LMBRD1: variants seen among roughly 807,000 people sequenced by gnomAD.
The protein encoded by LMBRD1 is lysosomal cobalamin transport escort protein LMBD1.
A neutral mutation model predicts 74.8 loss-of-function variants in LMBRD1; 64 were observed. That is an observed-to-expected ratio of 0.86 (90% CI 0.70 to 1.05). The LOEUF (loss-of-function observed/expected upper bound fraction) is 1.05, where lower values mean the gene tolerates loss of function less well. Among genes scored for constraint, LMBRD1 ranks in the 50% least tolerant of loss-of-function variants. The pLI, the probability that LMBRD1 is intolerant of heterozygous loss-of-function variation, is 0.00. For synonymous variants in LMBRD1, 204 were observed against 216.3 expected (o/e 0.94, Z 0.50); for missense variants, 652 against 645.9 (o/e 1.01, Z -0.10).
intron 14 of LMBRD1, among the ~76,000 whole-genome samples, chr6:69,685,335 C>T (rs957480611): frequency 2.6e-5 from 4 of 152,102 alleles, no homozygotes; most frequent in East Asian, 1.9e-4. Context: ...GACTTGTAAG[C>T]GTTAAATAGT....
At chr6:69,793,328 T>C (rs764418949) in intron 1 of LMBRD1, among the ~76,000 whole-genome samples, 1 of 152,180 alleles carries the variant, frequency 6.6e-6, no homozygotes, top group Non-Finnish European at 1.5e-5. Flanking sequence ...TGAGAAGAGA[T>C]GAATCTTCAT....
chr6:69,722,634 G>GTTA (rs1431530837), intron 7 of LMBRD1, among the ~76,000 whole-genome samples: 1 of 151,942 alleles, frequency 6.6e-6, no homozygotes, highest in Non-Finnish European at 1.5e-5. Flanking sequence ...AAAATAATGG[G>GTTA]TTATAAAATA....
intron 7 of LMBRD1, among the ~76,000 whole-genome samples, chr6:69,724,009 T>C (rs866696644): frequency 3.0e-4 from 46 of 152,124 alleles, no homozygotes; most frequent in African/African-American, 1.1e-3. Flanking sequence ...GGATCATTAG[T>C]GGCTACTATG....
intron 7 of LMBRD1, among the ~76,000 whole-genome samples, chr6:69,727,116 G>A (rs1012865956): frequency 1.6e-4 from 24 of 152,202 alleles, no homozygotes; most frequent in African/African-American, 5.5e-4. Flanking sequence ...TTGAGATCGC[G>A]CCACTGCACT....
At chr6:69,698,439 G>T (rs1489547571) in intron 13 of LMBRD1, among the ~76,000 whole-genome samples, 1 of 151,828 alleles carries the variant, frequency 6.6e-6, no homozygotes, top group Non-Finnish European at 1.5e-5. Flanking sequence ...TAGAGCAAAA[G>T]GTATTTTTAA....
At chr6:69,781,414 T>TATA (rs1436674939) in intron 2 of LMBRD1, among the ~76,000 whole-genome samples, 1 of 152,166 alleles carries the variant, frequency 6.6e-6, no homozygotes, top group African/African-American at 2.4e-5. Flanking sequence ...GGTCAGTGTT[T>TATA]TATAAACACT....
intron 12 of LMBRD1, 103 bp from the exon 13 acceptor site, chr6:69,699,295 C>G: frequency 2.0e-6 from 2 of 1,016,572 alleles, no homozygotes; most frequent in South Asian, 1.4e-5. Context: ...TTCAATCAAC[C>G]ATTATTTTTC....
intron 1 of LMBRD1, among the ~76,000 whole-genome samples, chr6:69,791,251 T>G (rs1333663022): frequency 6.6e-6 from 1 of 152,178 alleles, no homozygotes; most frequent in African/African-American, 2.4e-5. Flanking sequence ...GAGTTTCAGA[T>G]TCAAGAAGTC....
At chr6:69,680,124 T>A (rs1046988074) in intron 14 of LMBRD1, among the ~76,000 whole-genome samples, 6 of 152,140 alleles carry the variant, frequency 3.9e-5, no homozygotes, top group African/African-American at 1.2e-4. Flanking sequence ...CTGCTAAATA[T>A]ACCTTTAAAT....
At chr6:69,716,182 T>C (rs1190214368) in intron 8 of LMBRD1, among the ~76,000 whole-genome samples, 2 of 152,196 alleles carry the variant, frequency 1.3e-5, no homozygotes, top group Non-Finnish European at 2.9e-5. Flanking sequence ...TAGTTCTTTG[T>C]GGAATCACCA....
At position 69,737,301 on chromosome 6, in the gene LMBRD1, T is replaced by A. The variant is rs1336398617; in HGVS notation, c.636+641A>T. On this transcript the variant is annotated intron_variant, in intron 7 of 15. Transcript: ENST00000649934. The stretch of plus-strand genomic sequence containing the variant: ...AGAAGCATTTATTACTAGCTTTTTA[T>A]CTACAATGTGAGCAAAAGACTCAAA... Among the ~76,000 whole-genome samples the A allele has an allele frequency of 4.6e-5, 7 of 152,120 alleles. No individual in the cohort carries two copies. In the East Asian group the frequency reaches 9.6e-4, roughly 21 times the overall value.
At chr6:69,772,303 A>T (rs1160553462) in intron 3 of LMBRD1, among the ~76,000 whole-genome samples, 2 of 152,214 alleles carry the variant, frequency 1.3e-5, no homozygotes, top group Non-Finnish European at 2.9e-5. Flanking sequence ...CAAATATTTT[A>T]AAAGGTCAGA....
intron 14 of LMBRD1, among the ~76,000 whole-genome samples, chr6:69,684,758 A>C (rs1765728921): frequency 6.6e-6 from 1 of 152,154 alleles, no homozygotes; most frequent in Admixed American, 6.5e-5. Context: ...TGAGCAGCAG[A>C]ATCAGAAAAG....
At chr6:69,776,727 T>C (rs1765713706) in intron 3 of LMBRD1, among the ~76,000 whole-genome samples, 1 of 152,228 alleles carries the variant, frequency 6.6e-6, no homozygotes, top group African/African-American at 2.4e-5. Context: ...CTTAGGCCAC[T>C]GGTTTCTAAA....
chr6:69,790,703 G>C, intron 1 of LMBRD1: 1 of 515,550 alleles, frequency 1.9e-6, no homozygotes, highest in Non-Finnish European at 3.5e-6. Flanking sequence ...ATTAATAACA[G>C]TGCTCAGCTA....
intron 6 of LMBRD1, among the ~76,000 whole-genome samples, chr6:69,738,726 T>A (rs1196307677): frequency 1.3e-5 from 2 of 152,076 alleles, no homozygotes; most frequent in Non-Finnish European, 2.9e-5. Flanking sequence ...TATATCAAAT[T>A]ATGTAATAAA....
chr6:69,784,090 T>A (rs1765894327), intron 2 of LMBRD1, among the ~76,000 whole-genome samples: 1 of 152,228 alleles, frequency 6.6e-6, no homozygotes, highest in Non-Finnish European at 1.5e-5. Flanking sequence ...AGATACTTGA[T>A]GTATTGTCAA....
At chr6:69,701,696 G>T (rs946929065) in intron 10 of LMBRD1, 151 bp from the exon 11 acceptor site, 5 of 679,780 alleles carry the variant, frequency 7.4e-6, no homozygotes, top group East Asian at 5.4e-5. Flanking sequence ...CACAGCTATT[G>T]TTCAATTGAT....
chr6:69,697,363 A>C (rs1242473041), intron 14 of LMBRD1, among the ~76,000 whole-genome samples, 200 bp downstream of exon 14: 1 of 152,108 alleles, frequency 6.6e-6, no homozygotes, highest in Admixed American at 6.5e-5. Context: ...ATTACTTCCT[A>C]AGTAATTTTA....
Sources: gnomAD v4.1 joint callset for allele counts (sites outside exome capture counted in the v4.1 genomes callset) on GRCh38, gnomAD v4.1.1 for gene constraint, MANE v1.5 for transcripts, NCBI Gene and HGNC (gene_info 2026-07-23, HGNC 2026-07-21) for gene names.